NFE2L3: variants seen among roughly 807,000 people sequenced by gnomAD.
NFE2L3 encodes the protein nuclear factor erythroid 2-related factor 3.
A neutral mutation model predicts 23.5 loss-of-function variants in NFE2L3; 18 were observed. The observed-to-expected ratio is 0.77, with a 90% confidence interval of 0.53 to 1.13. NFE2L3 has a LOEUF of 1.13. NFE2L3 is among the 50% of genes most tolerant of loss of function. The pLI, the probability that NFE2L3 is intolerant of heterozygous loss-of-function variation, is 0.00. For synonymous variants in NFE2L3, 424 were observed against 354.5 expected, an observed-to-expected ratio of 1.20 and a Z score of -2.20; for missense variants, 1,152 against 877.2, an observed-to-expected ratio of 1.31 and a Z score of -3.96.
At chr7:26,169,707 G>A (rs148324119) in intron 1 of NFE2L3, among the ~76,000 whole-genome samples, 26 of 152,340 alleles carry the variant, frequency 1.7e-4, no homozygotes, top group East Asian at 5.8e-4. Context: ...ATGAATACAG[G>A]AAGGACCATC....
At chr7:26,161,105 C>T (rs1474646603) in intron 1 of NFE2L3, among the ~76,000 whole-genome samples, 3 of 152,152 alleles carry the variant, frequency 2.0e-5, no homozygotes, top group Non-Finnish European at 2.9e-5. Context: ...ATGAAAGGAA[C>T]CCTTCCCTCC....
Position 26,152,354 on chromosome 7 carries a change from C to T in NFE2L3, c.-145C>T, listed in dbSNP as rs1268041243. ...GCCCGGTGCTGGGAACCCGCGACGG[C>T]CGCCACGCGCCCCGGTCCATTGTTT... On this transcript the variant is annotated 5_prime_UTR_variant, in exon 1 of 4. Transcript: ENST00000056233. This position sits in a 1 kb window ranked among gnomAD's most constrained non-coding sequence, Gnocchi z 4.4. 6.3e-6 allele frequency: 3 copies of T among 475,562 alleles called. No individual in the cohort carries two copies. The highest frequency in any genetic ancestry group is 9.2e-6 in the Non-Finnish European group (3 of 326,120). The allele number at this position is 475,562 out of a possible 1,614,324, so 29.5% of individuals were successfully genotyped here.
At chr7:26,183,304 T>C (rs951672803) in intron 2 of NFE2L3, among the ~76,000 whole-genome samples, 1 of 152,074 alleles carries the variant, frequency 6.6e-6, no homozygotes, top group Non-Finnish European at 1.5e-5. Context: ...TCCCAGCACT[T>C]TGGGAGGCCT....
At chr7:26,165,432 A>G (rs960811824) in intron 1 of NFE2L3, among the ~76,000 whole-genome samples, 1 of 152,226 alleles carries the variant, frequency 6.6e-6, no homozygotes, top group African/African-American at 2.4e-5. Context: ...GAGTTCACTC[A>G]TGATTTGGCT....
Position 26,183,773 on chromosome 7 carries a change from A to T in NFE2L3, c.823A>T (p.Asn275Tyr). ...CCAGTTGCTTTCATCACAGCCTGAA[A>T]ATTCACTGGAGGTAATTGGAACTTT... is the stretch of plus-strand genomic sequence containing the variant. ...LFQLLSSQPE[N>Y]SLEGISLGDI... Residue 275 changes from asparagine (N) to tyrosine (Y), a missense_variant, in exon 3 of 4, where the codon AAT (asparagine) becomes TAT (tyrosine). Coordinates refer to ENST00000056233, the MANE Select transcript of NFE2L3 (RefSeq NM_004289.7). 18 of 1,611,250 alleles carry T rather than the reference A, an allele frequency of 1.1e-5. No homozygotes were observed. Among genetic ancestry groups the T allele is most frequent in the Non-Finnish European group, 1.5e-5 (18 of 1,177,336 alleles).
In NFE2L3 at chr7:26,185,798, T is replaced by C; in HGVS notation, c.*15T>C. On this transcript the variant is annotated 3_prime_UTR_variant, in exon 4 of 4. Transcript: ENST00000056233. ...AGAGAAAGTGAGAAGAAACTGAAGA[T>C]GGACTCTATTATGTGAAGTAGTAAT... 4 of 1,568,960 alleles carry C rather than the reference T, an allele frequency of 2.5e-6. No individual in the cohort carries two copies. Among genetic ancestry groups the C allele is most frequent in the Non-Finnish European group, 3.4e-6 (4 of 1,165,096 alleles).
chr7:26,178,450 G>A (rs1784453228), intron 2 of NFE2L3, among the ~76,000 whole-genome samples: 1 of 152,164 alleles, frequency 6.6e-6, no homozygotes, highest in African/African-American at 2.4e-5. Context: ...TCCTCAACCA[G>A]CCACATGCAC....
chr7:26,163,908 G>A (rs1327243696), intron 1 of NFE2L3, among the ~76,000 whole-genome samples: 4 of 152,000 alleles, frequency 2.6e-5, no homozygotes, highest in African/African-American at 9.7e-5. Context: ...CATGCAGTGT[G>A]TGGTTTTCTG....
At chr7:26,153,838 A>G (rs1784038183) in intron 1 of NFE2L3, among the ~76,000 whole-genome samples, 2 of 152,284 alleles carry the variant, frequency 1.3e-5, no homozygotes, top group African/African-American at 4.8e-5. Flanking sequence ...GGAACGTTTG[A>G]GTTCAGTCTA....
intron 1 of NFE2L3, among the ~76,000 whole-genome samples, chr7:26,173,204 CAGACA>C (rs1784351762): frequency 6.6e-6 from 1 of 152,150 alleles, no homozygotes; most frequent in Non-Finnish European, 1.5e-5. Context: ...CCTGAGTTTT[CAGACA>C]AGACATCTTA....
At chr7:26,175,174 GTC>G (rs1244944820) in intron 1 of NFE2L3, among the ~76,000 whole-genome samples, 2 of 142,502 alleles carry the variant, frequency 1.4e-5, no homozygotes, top group East Asian at 4.2e-4. Flanking sequence ...GTGAAACCCC[GTC>G]TCTACTAAAA....
intron 1 of NFE2L3, among the ~76,000 whole-genome samples, chr7:26,170,899 A>G (rs1404479652): frequency 6.6e-6 from 1 of 152,116 alleles, no homozygotes; most frequent in East Asian, 1.9e-4. Flanking sequence ...TATCTCTACA[A>G]AAAGTAAACA....
intron 1 of NFE2L3, among the ~76,000 whole-genome samples, chr7:26,160,976 G>C (rs917847519): frequency 6.6e-6 from 1 of 152,212 alleles, no homozygotes; most frequent in Admixed American, 6.5e-5. Flanking sequence ...ACAGTTCCTG[G>C]CATAGTAATA....
At chr7:26,156,437 G>GA (rs144111541) in intron 1 of NFE2L3, among the ~76,000 whole-genome samples, 1,789 of 152,204 alleles carry the variant, frequency 0.012, 17 homozygotes, top group Non-Finnish European at 0.019. Flanking sequence ...AAATATTTTG[G>GA]AGTAGGGGAT....
intron 2 of NFE2L3, among the ~76,000 whole-genome samples, chr7:26,181,568 GTCTGGAAAATGATATAAACACTGGT>G (rs1319167302): frequency 8.5e-5 from 13 of 152,134 alleles, no homozygotes; most frequent in African/African-American, 3.1e-4. Flanking sequence ...AGAAAGTACA[GTCTGGAAAATGATATAAACACTGGT>G]TCTTGAAAAG....
chr7:26,177,087 C>T (rs1466525406), intron 1 of NFE2L3, among the ~76,000 whole-genome samples: 1 of 109,060 alleles, frequency 9.2e-6, no homozygotes, highest in South Asian at 4.3e-4. Context: ...GGGTGGCAGC[C>T]GGGCAGAGGC....
At chr7:26,175,275 G>A (rs1351900208) in intron 1 of NFE2L3, among the ~76,000 whole-genome samples, 1 of 152,070 alleles carries the variant, frequency 6.6e-6, no homozygotes, top group Non-Finnish European at 1.5e-5. Flanking sequence ...CAGGAGAATG[G>A]TGTGAACCTG....
intron 1 of NFE2L3, among the ~76,000 whole-genome samples, chr7:26,170,805 C>T (rs1235837132): frequency 1.3e-5 from 2 of 152,186 alleles, no homozygotes; most frequent in Admixed American, 1.3e-4. Context: ...GCCTGCATGA[C>T]TCAGTCCTTT....
At chr7:26,156,535 G>A (rs1562668261) in intron 1 of NFE2L3, among the ~76,000 whole-genome samples, 1 of 152,084 alleles carries the variant, frequency 6.6e-6, no homozygotes, top group Non-Finnish European at 1.5e-5. Flanking sequence ...AATTCCCCAG[G>A]GCTGACACGC....
Sources: allele counts gnomAD v4.1 joint callset (sites outside exome capture counted in the v4.1 genomes callset), GRCh38; gene constraint gnomAD v4.1.1; non-coding constraint Gnocchi (gnomAD v3.1); transcripts MANE v1.5; gene names NCBI Gene and HGNC (gene_info 2026-07-23, HGNC 2026-07-21).